INPP5A: variants seen among roughly 807,000 people sequenced by gnomAD.
INPP5A encodes the protein 43 kDa inositol polyphosphate 5-phophatase.
INPP5A carries 14 observed loss-of-function variants against 65.2 expected under a neutral mutation model. That is an observed-to-expected ratio of 0.21 (90% confidence interval 0.14 to 0.34). The LOEUF is 0.34. INPP5A is among the 10% of genes least tolerant of loss of function. The pLI, the probability that INPP5A is intolerant of heterozygous loss-of-function variation, is 1.00. For missense variants in INPP5A, 431 were observed against 545.6 expected (o/e 0.79, Z 2.09); for synonymous variants, 207 against 208.3 (o/e 0.99, Z 0.05).
intron 12 of INPP5A, among the ~76,000 whole-genome samples, chr10:132,770,847 G>A (rs898463159): frequency 5.3e-5 from 8 of 152,162 alleles, no homozygotes; most frequent in African/African-American, 1.2e-4. Context: ...GTCTCGACGC[G>A]GCACGTCTGG....
chr10:132,685,523 G>A (rs956628575), intron 4 of INPP5A, among the ~76,000 whole-genome samples: 7 of 152,258 alleles, frequency 4.6e-5, no homozygotes, highest in African/African-American at 1.4e-4. Context: ...GGGTGCAGAA[G>A]ACCAGGTTAA....
intron 9 of INPP5A, among the ~76,000 whole-genome samples, chr10:132,730,588 C>A (rs1846067012): frequency 6.6e-6 from 1 of 152,216 alleles, no homozygotes; most frequent in South Asian, 2.1e-4. Context: ...GCTTGCCTGG[C>A]CATCGAAGCG....
chr10:132,700,131 G>C (rs1845413521), intron 6 of INPP5A, among the ~76,000 whole-genome samples: 1 of 152,176 alleles, frequency 6.6e-6, no homozygotes, highest in Admixed American at 6.5e-5. Context: ...CCCCAGCCTG[G>C]GTCCAACCCC....
intron 6 of INPP5A, among the ~76,000 whole-genome samples, chr10:132,701,132 G>A (rs943708963): frequency 2.6e-5 from 4 of 152,206 alleles, no homozygotes; most frequent in East Asian, 3.9e-4. Flanking sequence ...TCTCCGTGGC[G>A]ATTTATGCCG....
Position 132,675,537 on chromosome 10 carries a change from T to G in INPP5A, c.307-14855T>G, listed in dbSNP as rs2072951910. ...ACACGGAGAGAAGTGCGGTTGAGCA[T>G]GGGGGTGGGTGCGTGTGGAGTGAGC... On this transcript the variant is annotated intron_variant, in intron 4 of 15. Transcript: ENST00000368594. This position sits in a 1 kb window ranked among gnomAD's most constrained non-coding sequence, Gnocchi z 4.2. Among the ~76,000 whole-genome samples, 1 of 152,008 alleles carries G rather than the reference T, an allele frequency of 6.6e-6. No homozygotes were observed. The highest frequency in any genetic ancestry group is 2.4e-5 in the African/African-American group (1 of 41,368).
chr10:132,635,175 C>T (rs879645568), intron 2 of INPP5A, among the ~76,000 whole-genome samples: 4 of 152,148 alleles, frequency 2.6e-5, no homozygotes, highest in Admixed American at 2.6e-4. Flanking sequence ...CCACATTTGA[C>T]TTGTGACAGC....
chr10:132,567,205 C>T (rs564357865), intron 1 of INPP5A, among the ~76,000 whole-genome samples: 1 of 152,196 alleles, frequency 6.6e-6, no homozygotes, highest in East Asian at 1.9e-4. Flanking sequence ...TTCTCAGATG[C>T]CACTGTCAGA....
At position 132,676,237 on chromosome 10, in the gene INPP5A, A is replaced by C. The variant is rs2072963171; in HGVS notation, c.307-14155A>C. Among the ~76,000 whole-genome samples the C allele has an allele frequency of 1.3e-5, 2 of 152,220 alleles. No homozygotes were observed. The highest frequency in any genetic ancestry group is 6.5e-5 in the Admixed American group (1 of 15,280). ...ATCTCATTTTGAGAGGAAGAGCTCT[A>C]GGTGATACAGGTTTAAAATGACTGG... On this transcript the variant is annotated intron_variant, in intron 4 of 15. Transcript: ENST00000368594. The surrounding 1 kb of genome is among the most constrained non-coding windows in gnomAD (Gnocchi z 4.0).
At chr10:132,602,357 A>G (rs1403851268) in intron 1 of INPP5A, among the ~76,000 whole-genome samples, 1 of 152,198 alleles carries the variant, frequency 6.6e-6, no homozygotes, top group African/African-American at 2.4e-5. Context: ...GTGCAGTGAC[A>G]CAGTCTCGGC....
In INPP5A at chr10:132,698,859, C is replaced by T. The variant is rs891417179; in HGVS notation, c.474+940C>T. 6.6e-6 allele frequency among the ~76,000 whole-genome samples: 1 copy of T among 152,262 alleles called. No homozygotes were observed. The highest frequency in any genetic ancestry group is 1.5e-5 in the Non-Finnish European group (1 of 68,050). On this transcript the variant is annotated intron_variant, in intron 6 of 15. Transcript: ENST00000368594. This position sits in a 1 kb window ranked among gnomAD's most constrained non-coding sequence, Gnocchi z 5.5. ...CTGAGGCTGCTACGGAGCTGACTTC[C>T]AGCAAGGCCACAACTTTATTAACTT...
rs1370388747 is a variant in INPP5A, at chr10:132,704,369, T to C, written c.475-3944T>C. 6.6e-6 allele frequency among the ~76,000 whole-genome samples: 1 copy of C among 152,250 alleles called. No homozygotes were observed. The highest frequency in any genetic ancestry group is 2.4e-5 in the African/African-American group (1 of 41,466). ...AGAACCCAGCCTTGGGCCCAGTGAC[T>C]GTGGCCTAAAGCCACCAAGGGACCA... On this transcript the variant is annotated intron_variant, in intron 6 of 15. Coordinates refer to ENST00000368594, the MANE Select transcript of INPP5A (RefSeq NM_005539.5). The surrounding 1 kb of genome is among the most constrained non-coding windows in gnomAD (Gnocchi z 4.5).
intron 6 of INPP5A, among the ~76,000 whole-genome samples, chr10:132,703,415 T>C (rs1344245364): frequency 2.0e-5 from 3 of 151,192 alleles, no homozygotes; most frequent in Admixed American, 2.0e-4. Context: ...CACAAGCGGC[T>C]TCACCCCCCC....
At chr10:132,654,601 C>T (rs2072627430) in intron 4 of INPP5A, among the ~76,000 whole-genome samples, 1 of 152,252 alleles carries the variant, frequency 6.6e-6, no homozygotes, top group African/African-American at 2.4e-5. Context: ...CCTCCTGCCC[C>T]AGCCAGGTGC....
intron 2 of INPP5A, among the ~76,000 whole-genome samples, chr10:132,614,196 T>G (rs993531672): frequency 6.6e-6 from 1 of 152,208 alleles, no homozygotes; most frequent in African/African-American, 2.4e-5. Flanking sequence ...GACGGCACGA[T>G]GGCTCATGCC....
rs1199396029 is a variant in INPP5A at position 132,698,672 on chromosome 10, G to A, written c.474+753G>A. ...TGAATCACAGTGGGGTGCAGGCACT[G>A]TGGCCAGAAGCAGCCCAGGCACTGA... On this transcript the variant is annotated intron_variant, in intron 6 of 15. Coordinates refer to ENST00000368594, the MANE Select transcript of INPP5A (RefSeq NM_005539.5). This position sits in a 1 kb window ranked among gnomAD's most constrained non-coding sequence, Gnocchi z 5.5. Among the ~76,000 whole-genome samples the A allele has an allele frequency of 6.6e-6, 1 of 152,172 alleles. No individual in the cohort carries two copies. The highest frequency in any genetic ancestry group is 1.5e-5 in the Non-Finnish European group (1 of 68,036).
chr10:132,595,290 C>T (rs1315299500), intron 1 of INPP5A, among the ~76,000 whole-genome samples: 5 of 152,304 alleles, frequency 3.3e-5, no homozygotes, highest in Admixed American at 6.5e-5. Flanking sequence ...GTGGGCTGCT[C>T]GCGCCGGTGG....
rs960169824 is a variant in INPP5A at position 132,650,071 on chromosome 10, G to A, written c.219-347G>A. 2.6e-5 allele frequency among the ~76,000 whole-genome samples: 4 copies of A among 152,178 alleles called. No homozygotes were observed. The highest frequency in any genetic ancestry group is 3.9e-4 in the East Asian group (2 of 5,194). On this transcript the variant is annotated intron_variant, in intron 3 of 15. Transcript: ENST00000368594. The surrounding 1 kb of genome is among the most constrained non-coding windows in gnomAD (Gnocchi z 5.5). ...TCCAATTTCTCTCTTAAGACCAAGC[G>A]TGAGCTATCAGGAGAGCCCCCAGAG...
chr10:132,600,985 A>C (rs1322513664), intron 1 of INPP5A, among the ~76,000 whole-genome samples: 1 of 152,174 alleles, frequency 6.6e-6, no homozygotes, highest in African/African-American at 2.4e-5. Flanking sequence ...CAGCCAAACC[A>C]CATCAGGAAT....
intron 4 of INPP5A, among the ~76,000 whole-genome samples, chr10:132,683,295 G>A (rs907464904): frequency 6.7e-6 from 1 of 149,980 alleles, no homozygotes; most frequent in Non-Finnish European, 1.5e-5. Flanking sequence ...GTGCACACGT[G>A]TGTGTTATCC....
Sources: allele counts gnomAD v4.1 joint callset (sites outside exome capture counted in the v4.1 genomes callset), GRCh38; gene constraint gnomAD v4.1.1; non-coding constraint Gnocchi (gnomAD v3.1); transcripts MANE v1.5; gene names NCBI Gene and HGNC (gene_info 2026-07-23, HGNC 2026-07-21).